TNKS: variants seen among roughly 807,000 people sequenced by gnomAD.
TNKS encodes tankyrase, also known as poly [ADP-ribose] polymerase tankyrase-1.
In TNKS, 72 loss-of-function variants were observed where a neutral mutation model predicts 135.8. The ratio of observed to expected loss-of-function variants is 0.53; its 90% CI spans 0.44 to 0.64. The LOEUF is 0.64. Ranked by LOEUF, TNKS falls within the 30% of genes least tolerant of loss-of-function variation. TNKS has a pLI of 0.00. For synonymous variants in TNKS, 849 were observed against 649.3 expected (o/e 1.31, Z -4.68); for missense variants, 1,769 against 1,674.0 (o/e 1.06, Z -0.99).
At chr8:9,654,124 C>T (rs958752172) in intron 3 of TNKS, among the ~76,000 whole-genome samples, 2 of 152,170 alleles carry the variant, frequency 1.3e-5, no homozygotes, top group South Asian at 4.1e-4. Flanking sequence ...CACTGTTCTG[C>T]AGATAGAGTG....
Position 9,731,460 on chromosome 8 carries a change from CAAAAAAAAAAAA to C in TNKS, c.2147+438_2147+449del, listed in dbSNP as rs36213271. 7.5e-3 allele frequency among the ~76,000 whole-genome samples: 508 copies of C among 67,562 alleles called. 4 individuals are homozygous for C. Among genetic ancestry groups the C allele is most frequent in the Non-Finnish European group, 0.011 (408 of 35,980 alleles). The allele number at this position is 67,562 out of a possible 152,430, so 44.3% of individuals were successfully genotyped here. On this transcript the variant is annotated intron_variant, in intron 14 of 26. Transcript: ENST00000310430. ...GGGCAACAAGAGCGAAATTCCATCT[CAAAAAAAAAAAA>C]AAAAAAAAAAAACATAGAAATGTAC...
chr8:9,729,873 A>G lies in TNKS; in HGVS notation c.2002-1017A>G, dbSNP rs898389111. 3.0e-4 allele frequency among the ~76,000 whole-genome samples: 42 copies of G among 140,938 alleles called. 1 individual carries two copies. The highest frequency in any genetic ancestry group is 8.7e-4 in the African/African-American group (33 of 37,842). 92.5% of individuals were successfully genotyped at this position (140,938 alleles called of 152,430 possible). ...ACTGCAACCTCTGCCTCCTGGGTTCAAGCAATTCTCCTGCCTCAGCCTCCC... is the reference window on the plus strand; with the variant it reads ...ACTGCAACCTCTGCCTCCTGGGTTCGAGCAATTCTCCTGCCTCAGCCTCCC... On this transcript the variant is annotated intron_variant, in intron 13 of 26. Transcript: ENST00000310430.
chr8:9,637,765 A>C (rs1800567903), intron 3 of TNKS, among the ~76,000 whole-genome samples: 1 of 152,220 alleles, frequency 6.6e-6, no homozygotes, highest in Non-Finnish European at 1.5e-5. Context: ...CATGAAGTAG[A>C]AATATTAATG....
chr8:9,725,236 C>T (rs1805104288), intron 12 of TNKS, among the ~76,000 whole-genome samples: 1 of 152,122 alleles, frequency 6.6e-6, no homozygotes, highest in African/African-American at 2.4e-5. Flanking sequence ...AGTGGAAATC[C>T]ATCCAGGAAA....
intron 19 of TNKS, 69 bp downstream of exon 19, chr8:9,751,915 T>C (rs1043620134): frequency 3.6e-6 from 5 of 1,378,046 alleles, no homozygotes; most frequent in African/African-American, 2.9e-5. Context: ...CTTTTTTCTA[T>C]TGATAACTAT....
chr8:9,754,924 A>T (rs1806756144), intron 20 of TNKS, among the ~76,000 whole-genome samples: 1 of 152,140 alleles, frequency 6.6e-6, no homozygotes, highest in Admixed American at 6.5e-5. Context: ...TTATTCCCTA[A>T]CTGAAGGTGT....
chr8:9,637,106 A>G (rs1211720129), intron 3 of TNKS, among the ~76,000 whole-genome samples: 1 of 152,218 alleles, frequency 6.6e-6, no homozygotes, highest in Non-Finnish European at 1.5e-5. Flanking sequence ...AAACTGCATA[A>G]TTATCTCAAA....
chr8:9,733,333 G>A lies in TNKS; in HGVS notation c.2202G>A (p.Glu734=), dbSNP rs1228604035. 8.7e-6 allele frequency: 14 copies of A among 1,607,506 alleles called. No individual in the cohort carries two copies. Among genetic ancestry groups the A allele is most frequent in the Non-Finnish European group, 1.1e-5 (13 of 1,178,190 alleles). ...ACSYGHYEVA[E]LLVRHGASVN... The stretch of plus-strand genomic sequence containing the variant: ...CATATGGACACTATGAGGTGGCTGA[G>A]CTTTTAGTAAGGCATGGGGCTTCTG... Residue 734 remains glutamate, a synonymous_variant, in exon 15 of 27, where the codon GAG becomes GAA. Coordinates refer to ENST00000310430, the MANE Select transcript of TNKS (RefSeq NM_003747.3).
rs751196264 is a variant in TNKS, at chr8:9,630,448, T to G, written c.994+14771T>G. On this transcript the variant is annotated intron_variant, in intron 3 of 26. Transcript: ENST00000310430. Reference sequence around the variant, plus strand: ...AAGTTGTCTTGTCTGGTGGTTGGTTTGTTTGTTAAATCTGTGTTGGTCTGT... The same window carrying G: ...AAGTTGTCTTGTCTGGTGGTTGGTTGGTTTGTTAAATCTGTGTTGGTCTGT... Among the ~76,000 whole-genome samples the G allele has an allele frequency of 5.9e-5, 9 of 152,188 alleles. No individual in the cohort carries two copies. In the South Asian group the frequency reaches 6.2e-4, roughly 10 times the overall value.
intron 3 of TNKS, chr8:9,670,929 A>G (rs1451502858): frequency 6.6e-6 from 1 of 152,208 alleles, no homozygotes; most frequent in African/African-American, 2.4e-5. Flanking sequence ...CCCTGAACCT[A>G]AGATAGAAAA....
chr8:9,759,067 T>TATCA (rs1807004128), intron 20 of TNKS, among the ~76,000 whole-genome samples: 1 of 152,204 alleles, frequency 6.6e-6, no homozygotes, highest in Non-Finnish European at 1.5e-5. Flanking sequence ...TTTCTTGCTC[T>TATCA]ATCAAAGCCA....
chr8:9,726,814 C>A, intron 13 of TNKS, 94 bp downstream of exon 13: 2 of 999,036 alleles, frequency 2.0e-6, no homozygotes, highest in Non-Finnish European at 1.5e-6. Context: ...CAAATACAAA[C>A]AGTAAAAAGG....
intron 5 of TNKS, among the ~76,000 whole-genome samples, chr8:9,683,677 T>G (rs868161304): frequency 3.3e-5 from 5 of 151,766 alleles, no homozygotes; most frequent in African/African-American, 1.2e-4. Flanking sequence ...GTTTGAGACT[T>G]TAGGTTTTTT....
intron 17 of TNKS, chr8:9,741,875 AC>A (rs1331642860): frequency 3.9e-6 from 1 of 258,488 alleles, no homozygotes; most frequent in African/African-American, 2.2e-5. Flanking sequence ...ATTTTCATAA[AC>A]TTTATTCACC....
At chr8:9,562,380 C>T (rs1797372588) in intron 1 of TNKS, among the ~76,000 whole-genome samples, 1 of 152,018 alleles carries the variant, frequency 6.6e-6, no homozygotes, top group African/African-American at 2.4e-5. Context: ...TCTGACTCAT[C>T]ACCTGGATAA....
rs560445829 is a variant in TNKS, at chr8:9,592,040, A to C, written c.898+11657A>C. On this transcript the variant is annotated intron_variant, in intron 2 of 26. Transcript: ENST00000310430. ...AAAACTTGAATATATTATAGGACTC[A>C]TTTTTAAGATTTAACAGTAAAAGCC... Among the ~76,000 whole-genome samples, 307 of 152,336 alleles carry C rather than the reference A, an allele frequency of 2.0e-3. 1 individual carries two copies. The highest frequency in any genetic ancestry group is 6.7e-3 in the African/African-American group (280 of 41,576).
At chr8:9,686,282 A>T (rs957550730) in intron 5 of TNKS, among the ~76,000 whole-genome samples, 1 of 152,192 alleles carries the variant, frequency 6.6e-6, no homozygotes, top group African/African-American at 2.4e-5. Flanking sequence ...CCCCTAGCCA[A>T]CAGACCCACC....
intron 17 of TNKS, among the ~76,000 whole-genome samples, chr8:9,745,602 G>A (rs955840084): frequency 1.3e-5 from 2 of 151,862 alleles, no homozygotes; most frequent in Admixed American, 6.6e-5. Context: ...ATGGGGTTTC[G>A]CCATGTTGGC....
intron 26 of TNKS, among the ~76,000 whole-genome samples, chr8:9,772,592 T>C (rs1807977656): frequency 6.6e-6 from 1 of 152,034 alleles, no homozygotes; most frequent in Admixed American, 6.6e-5. Flanking sequence ...GCATCCAGTA[T>C]TGGAAGAGAA....
Sources: allele counts gnomAD v4.1 joint callset (sites outside exome capture counted in the v4.1 genomes callset), GRCh38; gene constraint gnomAD v4.1.1; transcripts MANE v1.5; gene names NCBI Gene and HGNC (gene_info 2026-07-23, HGNC 2026-07-21).